The following ZNF667 variants were observed in gnomAD, a reference collection of about 807,000 sequenced individuals.
ZNF667 encodes zinc finger protein 667, also known as myocardial ischemic preconditioning upregulated 1 ortholog.
In ZNF667, 13 loss-of-function variants were observed where a neutral mutation model predicts 31.8. That is an observed-to-expected ratio of 0.41 (90% CI 0.27 to 0.65). ZNF667 has a LOEUF of 0.65. Ranked by LOEUF, ZNF667 falls within the 30% of genes least tolerant of loss-of-function variation. The probability of loss-of-function intolerance (pLI) is 0.32; values close to 1 mark genes in which losing one functional copy is unlikely to be tolerated. For synonymous variants in ZNF667, 228 were observed against 247.1 expected (o/e 0.92, Z 0.73); for missense variants, 642 against 725.6 (o/e 0.88, Z 1.32).
intron 6 of ZNF667, among the ~76,000 whole-genome samples, chr19:56,456,210 G>T (rs2042927822): frequency 6.6e-6 from 1 of 151,806 alleles, no homozygotes; most frequent in Admixed American, 6.6e-5. Flanking sequence ...CAATACTAGT[G>T]AGTATGAAAA....
chr19:56,474,810 A>T (rs1039215628), intron 1 of ZNF667: 1 of 152,130 alleles, frequency 6.6e-6, no homozygotes, highest in Admixed American at 6.5e-5. Context: ...ATCTCTGGGG[A>T]TTGAGTCTGA....
At chr19:56,453,136 A>C (rs940981895) in intron 6 of ZNF667, among the ~76,000 whole-genome samples, 9 of 152,182 alleles carry the variant, frequency 5.9e-5, no homozygotes, top group Non-Finnish European at 1.3e-4. Context: ...AAATAGATAA[A>C]TTCCTAGACA....
At chr19:56,464,085 T>C (rs2147796347) in intron 3 of ZNF667, among the ~76,000 whole-genome samples, 1 of 152,262 alleles carries the variant, frequency 6.6e-6, no homozygotes, top group South Asian at 2.1e-4. Context: ...TGTATAAAAT[T>C]TGTATCAGAT....
chr19:56,443,028 T>C (rs900938576), intron 6 of ZNF667, among the ~76,000 whole-genome samples: 2 of 152,192 alleles, frequency 1.3e-5, no homozygotes, highest in Non-Finnish European at 2.9e-5. Context: ...GTTCAATGGA[T>C]AAATGTATGT....
At chr19:56,470,918 A>G (rs1230125098) in intron 3 of ZNF667, among the ~76,000 whole-genome samples, 1 of 152,172 alleles carries the variant, frequency 6.6e-6, no homozygotes, top group Non-Finnish European at 1.5e-5. Context: ...AGCTTGCTGC[A>G]GGGGTGATTT....
chr19:56,458,997 T>TCCTGTGGGACTGGGCTCTTAC (rs2042990508), intron 5 of ZNF667, among the ~76,000 whole-genome samples: 1 of 152,088 alleles, frequency 6.6e-6, no homozygotes, highest in African/African-American at 2.4e-5. Flanking sequence ...TAGGGGACAG[T>TCCTGTGGGACTGGGCTCTTAC]CCTGTGGGAC....
chr19:56,468,507 C>T (rs1237916322), intron 3 of ZNF667: 1 of 152,256 alleles, frequency 6.6e-6, no homozygotes, highest in African/African-American at 2.4e-5. Context: ...ACATCTCACA[C>T]ATACTGGCTG....
chr19:56,442,500 A>C lies in ZNF667; in HGVS notation c.495T>G (p.Ile165Met). Residue 165 changes from isoleucine to methionine, a missense_variant, in exon 7 of 7, where the codon ATT (isoleucine) becomes ATG (methionine). Coordinates refer to ENST00000504904, the MANE Select transcript of ZNF667 (RefSeq NM_001321356.2). ...ATTCAAAAGGCTTCTCTCCTGTATG[A>C]ATGTTCTGATGAAGTTTAAGAGAGA... ...RSFSLKLHQN[I>M]HTGEKPFECS... The C allele has an allele frequency of 6.2e-7, 1 of 1,613,620 alleles. No individual in the cohort carries two copies. Among genetic ancestry groups the C allele is most frequent in the South Asian group, 1.1e-5 (1 of 91,048 alleles).
chr19:56,443,692 T>C (rs756781283), intron 6 of ZNF667, among the ~76,000 whole-genome samples: 4 of 152,196 alleles, frequency 2.6e-5, no homozygotes, highest in Admixed American at 6.5e-5. Context: ...AGCATATGAC[T>C]GTATTTAGAT....
chr19:56,473,565 T>C (rs1023160356), intron 2 of ZNF667, among the ~76,000 whole-genome samples: 19 of 152,296 alleles, frequency 1.2e-4, no homozygotes, highest in Admixed American at 2.6e-4. Context: ...TTTTGCCCCC[T>C]ATGGGAAAAC....
At chr19:56,459,107 T>G (rs2042992051) in intron 5 of ZNF667, among the ~76,000 whole-genome samples, 1 of 152,072 alleles carries the variant, frequency 6.6e-6, no homozygotes, top group African/African-American at 2.4e-5. Context: ...AACTGTTTGG[T>G]GTGTGTGGGA....
chr19:56,447,021 T>G (rs1278390168), intron 6 of ZNF667, among the ~76,000 whole-genome samples: 1 of 152,130 alleles, frequency 6.6e-6, no homozygotes, highest in African/African-American at 2.4e-5. Flanking sequence ...CCAGGTAAAT[T>G]AGTTCAATAT....
chr19:56,472,475 C>T (rs2147844100), intron 2 of ZNF667: 1 of 152,136 alleles, frequency 6.6e-6, no homozygotes. Flanking sequence ...AGATTTTTTT[C>T]AATAGAAGTT....
At position 56,463,532 on chromosome 19, in the gene ZNF667, T is replaced by G. The variant is rs367549893; in HGVS notation, c.-59-1103A>C. Among the ~76,000 whole-genome samples the G allele has an allele frequency of 1.5e-3, 220 of 151,106 alleles. 1 individual carries two copies. The highest frequency in any genetic ancestry group is 5.1e-3 in the African/African-American group (210 of 41,256). On this transcript the variant is annotated intron_variant, in intron 3 of 6. Transcript: ENST00000504904. Reference sequence around the variant, plus strand: ...GAACTGAGGAACTCATTTTCTTCCCTTTTTTTTTCTTTTGAGACAGGGTCT... The same window carrying G: ...GAACTGAGGAACTCATTTTCTTCCCGTTTTTTTTCTTTTGAGACAGGGTCT...
chr19:56,459,673 A>C (rs2043003874), intron 5 of ZNF667, among the ~76,000 whole-genome samples: 2 of 151,898 alleles, frequency 1.3e-5, no homozygotes, highest in South Asian at 4.2e-4. Flanking sequence ...CCTTTCAACA[A>C]CACCTCTTAA....
At chr19:56,470,715 A>G (rs995013847) in intron 3 of ZNF667, among the ~76,000 whole-genome samples, 4 of 152,134 alleles carry the variant, frequency 2.6e-5, no homozygotes, top group Non-Finnish European at 4.4e-5. Flanking sequence ...AAATTTGAGC[A>G]TATCATGTTA....
At position 56,439,699 on chromosome 19, in the gene ZNF667, G is replaced by C. The variant is rs1423760903; in HGVS notation, c.*1463C>G. The C allele has an allele frequency of 1.3e-5, 2 of 152,416 alleles. No individual in the cohort carries two copies. Among genetic ancestry groups the C allele is most frequent in the Non-Finnish European group, 2.9e-5 (2 of 68,198 alleles). The allele number at this position is 152,416 out of a possible 1,614,324, so 9.4% of individuals were successfully genotyped here. On this transcript the variant is annotated 3_prime_UTR_variant, in exon 7 of 7. Coordinates refer to ENST00000504904, the MANE Select transcript of ZNF667 (RefSeq NM_001321356.2). ...AGACGTAGTCTCGCTCTGTCGCCCA[G>C]GGTGGAGTACAGTGGCGTGATCCTG...
At chr19:56,443,872 A>G (rs1325169086) in intron 6 of ZNF667, among the ~76,000 whole-genome samples, 2 of 152,222 alleles carry the variant, frequency 1.3e-5, no homozygotes, top group Non-Finnish European at 2.9e-5. Context: ...CAAACTGACT[A>G]TAAACCTGAG....
At chr19:56,447,919 G>GA (rs1458417944) in intron 6 of ZNF667, among the ~76,000 whole-genome samples, 2 of 152,042 alleles carry the variant, frequency 1.3e-5, no homozygotes, top group Admixed American at 6.6e-5. Context: ...GAAAGTGGAA[G>GA]AGCCAGATGG....
Sources: allele counts gnomAD v4.1 joint callset (sites outside exome capture counted in the v4.1 genomes callset), GRCh38; gene constraint gnomAD v4.1.1; transcripts MANE v1.5; gene names NCBI Gene and HGNC (gene_info 2026-07-23, HGNC 2026-07-21).